RSPO2: variants seen among roughly 807,000 people sequenced by gnomAD.
RSPO2 encodes the protein R-spondin 2.
RSPO2 carries 14 observed loss-of-function variants against 30.9 expected under a neutral mutation model. That is an observed-to-expected ratio of 0.45 (90% CI 0.30 to 0.71). The LOEUF is 0.71. Among genes scored for constraint, RSPO2 ranks in the 30% least tolerant of loss-of-function variants. The pLI, the probability that RSPO2 is intolerant of heterozygous loss-of-function variation, is 0.08. For missense variants in RSPO2, 264 were observed against 301.9 expected, an observed-to-expected ratio of 0.87 and a Z score of 0.93; for synonymous variants, 107 against 96.4, an observed-to-expected ratio of 1.11 and a Z score of -0.64.
intron 5 of RSPO2, among the ~76,000 whole-genome samples, chr8:107,924,678 A>G (rs1812295874): frequency 6.6e-6 from 1 of 152,076 alleles, no homozygotes. Flanking sequence ...ACTGAACAGA[A>G]AAGAGACCAT....
At chr8:107,969,774 A>G (rs1189425229) in intron 3 of RSPO2, among the ~76,000 whole-genome samples, 1 of 152,230 alleles carries the variant, frequency 6.6e-6, no homozygotes. Flanking sequence ...ATTGTAAACC[A>G]AATTAGTATC....
chr8:108,071,282 G>GA (rs34482205), intron 2 of RSPO2, among the ~76,000 whole-genome samples: 1 of 152,044 alleles, frequency 6.6e-6, no homozygotes, highest in East Asian at 1.9e-4. Context: ...TAAATGAGGG[G>GA]AAAAAAGAAC....
At chr8:108,059,858 G>C (rs1239577642) in intron 2 of RSPO2, among the ~76,000 whole-genome samples, 1 of 117,006 alleles carries the variant, frequency 8.5e-6, no homozygotes, top group Non-Finnish European at 1.7e-5. Context: ...GTTGTGGGGT[G>C]GGGGGAGGGG....
chr8:107,936,038 AGTTT>A (rs1812713494), intron 5 of RSPO2, among the ~76,000 whole-genome samples: 1 of 152,070 alleles, frequency 6.6e-6, no homozygotes, highest in Non-Finnish European at 1.5e-5. Flanking sequence ...CAAATATTAG[AGTTT>A]ATTTATTCTA....
intron 5 of RSPO2, among the ~76,000 whole-genome samples, chr8:107,945,644 T>C (rs1813037838): frequency 6.6e-6 from 1 of 152,218 alleles, no homozygotes. Flanking sequence ...TAGTAAATGT[T>C]AGGCTGTATA....
chr8:108,042,009 G>A (rs1289456613), intron 2 of RSPO2, among the ~76,000 whole-genome samples: 1 of 152,184 alleles, frequency 6.6e-6, no homozygotes, highest in Non-Finnish European at 1.5e-5. Flanking sequence ...TCAAGGACCT[G>A]TAGTTACAAC....
At chr8:107,934,390 TAGAC>T (rs1812651062) in intron 5 of RSPO2, among the ~76,000 whole-genome samples, 2 of 146,620 alleles carry the variant, frequency 1.4e-5, no homozygotes, top group Non-Finnish European at 3.0e-5. Flanking sequence ...TTTTTTTTAT[TAGAC>T]AGAGTTTCAC....
intron 2 of RSPO2, among the ~76,000 whole-genome samples, chr8:108,070,560 C>T (rs1394336783): frequency 2.0e-5 from 3 of 152,174 alleles, no homozygotes; most frequent in Admixed American, 2.0e-4. Context: ...CCAAAGAAGA[C>T]CCCATCTCTT....
rs539819749 is a variant in RSPO2 at position 107,996,951 on chromosome 8, C to G, written c.95-7707G>C. 4 of 453,558 alleles carry G rather than the reference C, an allele frequency of 8.8e-6. No homozygotes were observed. In the Admixed American group the frequency reaches 9.5e-5, roughly 11 times the overall value. The allele number at this position is 453,558 out of a possible 1,614,324, so 28.1% of individuals were successfully genotyped here. A position where few individuals can be genotyped will look rare whatever the true frequency, so the allele number is the denominator to read the frequency against. ...TAGGTTATCTTTATAACCCTACACA[C>G]GAGGAATTCCCTTAAAGCAAAAGTG... On this transcript the variant is annotated intron_variant, in intron 2 of 5. Transcript: ENST00000276659.
At chr8:108,051,041 G>A (rs1053675075) in intron 2 of RSPO2, among the ~76,000 whole-genome samples, 2 of 152,272 alleles carry the variant, frequency 1.3e-5, no homozygotes, top group South Asian at 4.1e-4. Flanking sequence ...CATGTGTAAG[G>A]ATGTATGCAA....
chr8:107,976,896 T>C (rs1414373255), intron 3 of RSPO2, among the ~76,000 whole-genome samples: 1 of 152,078 alleles, frequency 6.6e-6, no homozygotes, highest in Non-Finnish European at 1.5e-5. Context: ...CAAAAATCAA[T>C]AGAATAAATT....
At chr8:107,967,053 A>G (rs1200571198) in intron 3 of RSPO2, among the ~76,000 whole-genome samples, 2 of 152,146 alleles carry the variant, frequency 1.3e-5, no homozygotes, top group Non-Finnish European at 2.9e-5. Context: ...TGTGGCAGTC[A>G]ATGACAAAAA....
chr8:107,949,364 C>T (rs529247186), intron 5 of RSPO2, among the ~76,000 whole-genome samples: 2 of 152,222 alleles, frequency 1.3e-5, no homozygotes, highest in South Asian at 2.1e-4. Flanking sequence ...GAGTGGTATT[C>T]CATGGTGTAT....
chr8:108,072,054 C>G (rs1283967865), intron 2 of RSPO2, among the ~76,000 whole-genome samples: 1 of 152,052 alleles, frequency 6.6e-6, no homozygotes, highest in Non-Finnish European at 1.5e-5. Flanking sequence ...TGGGGGTGAG[C>G]AGATGATATG....
intron 2 of RSPO2, among the ~76,000 whole-genome samples, chr8:108,023,945 A>C (rs1237274111): frequency 6.6e-6 from 1 of 152,178 alleles, no homozygotes; most frequent in African/African-American, 2.4e-5. Context: ...GAAGCCACTC[A>C]GATTACCTAA....
At chr8:108,063,302 C>T (rs1266525217) in intron 2 of RSPO2, among the ~76,000 whole-genome samples, 1 of 151,808 alleles carries the variant, frequency 6.6e-6, no homozygotes, top group Non-Finnish European at 1.5e-5. Context: ...AGCCCAAAAT[C>T]TCCTGAAGCT....
chr8:107,974,847 T>TACACACACACACACAC (rs10530103), intron 3 of RSPO2, among the ~76,000 whole-genome samples: 37 of 150,924 alleles, frequency 2.5e-4, no homozygotes, highest in African/African-American at 6.6e-4. Context: ...CACATACACA[T>TACACACACACACACAC]ACACACACAC....
chr8:108,019,219 T>A (rs1451180807), intron 2 of RSPO2, among the ~76,000 whole-genome samples: 1 of 152,074 alleles, frequency 6.6e-6, no homozygotes, highest in African/African-American at 2.4e-5. Flanking sequence ...CCGGCTGTGG[T>A]GGTGCATGTC....
At chr8:108,050,980 C>T (rs1026953953) in intron 2 of RSPO2, among the ~76,000 whole-genome samples, 1 of 152,026 alleles carries the variant, frequency 6.6e-6, no homozygotes, top group African/African-American at 2.4e-5. Flanking sequence ...CAGCAACATG[C>T]CACAAATGAG....
Sources: allele counts gnomAD v4.1 joint callset (sites outside exome capture counted in the v4.1 genomes callset), GRCh38; gene constraint gnomAD v4.1.1; transcripts MANE v1.5; gene names NCBI Gene and HGNC (gene_info 2026-07-23, HGNC 2026-07-21).